Variants in ABCC4 observed in about 807,000 individuals in gnomAD.
ABCC4 encodes ATP binding cassette subfamily C member 4 (PEL blood group), also known as ATP-binding cassette sub-family C member 4.
A neutral mutation model predicts 168.5 loss-of-function variants in ABCC4; 102 were observed. That is an observed-to-expected ratio of 0.61 (90% CI 0.52 to 0.71). The LOEUF (loss-of-function observed/expected upper bound fraction) is 0.71, where lower values mean the gene tolerates loss of function less well. Among genes scored for constraint, ABCC4 ranks in the 30% least tolerant of loss-of-function variants. The pLI is 0.00. For missense variants in ABCC4, 1,402 were observed against 1,605.8 expected, an observed-to-expected ratio of 0.87 and a Z score of 2.17; for synonymous variants, 617 against 590.7, an observed-to-expected ratio of 1.04 and a Z score of -0.65.
At chr13:95,056,372 A>T (rs1003953172) in intron 26 of ABCC4, among the ~76,000 whole-genome samples, 4 of 152,144 alleles carry the variant, frequency 2.6e-5, no homozygotes, top group African/African-American at 7.2e-5. Flanking sequence ...CTTCTTTTTT[A>T]AAAAAACCCT....
chr13:95,032,428 G>A (rs1566358330), intron 30 of ABCC4, among the ~76,000 whole-genome samples: 2 of 152,176 alleles, frequency 1.3e-5, no homozygotes. Flanking sequence ...ATGACTAGGG[G>A]CATGTTTAAT....
At chr13:95,234,301 T>A (rs749741564) in intron 4 of ABCC4, among the ~76,000 whole-genome samples, 1 of 152,248 alleles carries the variant, frequency 6.6e-6, no homozygotes, top group Non-Finnish European at 1.5e-5. Context: ...TTTAGTATTC[T>A]GCAACAGCCT....
At chr13:95,081,016 C>T (rs535190450) in intron 21 of ABCC4, among the ~76,000 whole-genome samples, 9 of 147,616 alleles carry the variant, frequency 6.1e-5, no homozygotes, top group Non-Finnish European at 1.2e-4. Context: ...CCACCCTGGA[C>T]GAATAACAGT....
At chr13:95,270,664 G>T (rs940607533) in intron 1 of ABCC4, among the ~76,000 whole-genome samples, 1 of 152,154 alleles carries the variant, frequency 6.6e-6, no homozygotes, top group Non-Finnish European at 1.5e-5. Context: ...TACTAAGTCT[G>T]GGACAGAGCA....
rs771893985 is a variant in ABCC4 at position 95,060,188 on chromosome 13, C to T, written c.3366+2516G>A. Among the ~76,000 whole-genome samples the T allele has an allele frequency of 3.3e-5, 5 of 152,168 alleles. No homozygotes were observed. The South Asian group carries it at 1.0e-3, about 32-fold the overall frequency. On this transcript the variant is annotated intron_variant, in intron 26 of 30. Coordinates refer to ENST00000645237, the MANE Select transcript of ABCC4 (RefSeq NM_005845.5). ...AAGGAAAGTCTCTCTGTTTACAATG[C>T]TTGGAGATCAGGATCTACATGGATA...
At chr13:95,067,170 TATG>T (rs1341139302) in intron 25 of ABCC4, among the ~76,000 whole-genome samples, 1 of 152,146 alleles carries the variant, frequency 6.6e-6, no homozygotes, top group African/African-American at 2.4e-5. Context: ...GCTGAGCTGG[TATG>T]AGGACAGAGA....
At chr13:95,231,880 G>C (rs928508172) in intron 4 of ABCC4, among the ~76,000 whole-genome samples, 7 of 152,280 alleles carry the variant, frequency 4.6e-5, no homozygotes, top group Non-Finnish European at 7.3e-5. Flanking sequence ...CAGGTGAACA[G>C]TATCTCACTT....
chr13:95,188,616 A>C, intron 9 of ABCC4, 74 bp from the exon 10 acceptor site: 1 of 1,216,972 alleles, frequency 8.2e-7, no homozygotes. Context: ...AGAAGAAAAC[A>C]ATACAACAGT....
At chr13:95,113,305 G>A (rs903061397) in intron 20 of ABCC4, among the ~76,000 whole-genome samples, 6 of 152,050 alleles carry the variant, frequency 3.9e-5, no homozygotes, top group African/African-American at 1.2e-4. Context: ...GAAATGTACC[G>A]AGCAACCCCC....
intron 3 of ABCC4, among the ~76,000 whole-genome samples, chr13:95,244,669 G>GAAAGAAATAAATAAATAAAT (rs780621852): frequency 1.5e-5 from 1 of 68,008 alleles, no homozygotes; most frequent in Non-Finnish European, 2.8e-5. Flanking sequence ...AAGAAAGAAA[G>GAAAGAAATAAATAAATAAAT]AAATCATAGC....
At chr13:95,040,028 T>C (rs1340685651) in intron 29 of ABCC4, among the ~76,000 whole-genome samples, 1 of 152,058 alleles carries the variant, frequency 6.6e-6, no homozygotes, top group East Asian at 1.9e-4. Flanking sequence ...TGGAGATTGG[T>C]TCCCTCACTG....
intron 13 of ABCC4, among the ~76,000 whole-genome samples, chr13:95,175,546 G>A (rs1380735321): frequency 6.6e-6 from 1 of 152,140 alleles, no homozygotes; most frequent in African/African-American, 2.4e-5. Flanking sequence ...CTCCTCAGGT[G>A]ATCTGCCTGC....
At chr13:95,089,509 T>G (rs918131111) in intron 20 of ABCC4, among the ~76,000 whole-genome samples, 1 of 152,052 alleles carries the variant, frequency 6.6e-6, no homozygotes, top group Admixed American at 6.6e-5. Flanking sequence ...TCCCAGCTAC[T>G]TGGGAGGCTG....
chr13:95,031,714 A>G (rs1593973222), intron 30 of ABCC4, among the ~76,000 whole-genome samples: 1 of 152,182 alleles, frequency 6.6e-6, no homozygotes. Flanking sequence ...TTAAACATTG[A>G]TTTAAAAAAA....
intron 1 of ABCC4, among the ~76,000 whole-genome samples, chr13:95,272,945 GCTA>G (rs1390141763): frequency 6.6e-6 from 1 of 151,946 alleles, no homozygotes; most frequent in African/African-American, 2.4e-5. Context: ...CTAAACACCT[GCTA>G]CCTAACACAA....
intron 21 of ABCC4, among the ~76,000 whole-genome samples, chr13:95,080,852 C>A (rs1296871072): frequency 6.6e-6 from 1 of 152,086 alleles, no homozygotes; most frequent in East Asian, 1.9e-4. Context: ...CTTTGGAAAT[C>A]CTTGAGGGCA....
chr13:95,269,458 TAC>T, intron 1 of ABCC4: 1 of 169,026 alleles, frequency 5.9e-6, no homozygotes, highest in Non-Finnish European at 1.2e-5. Flanking sequence ...TATATATATA[TAC>T]ACACAACATT....
chr13:95,159,125 ATATATAT>A (rs2036994067), intron 19 of ABCC4, among the ~76,000 whole-genome samples: 9 of 128,368 alleles, frequency 7.0e-5, no homozygotes, highest in African/African-American at 2.1e-4. Flanking sequence ...ATATATATAT[ATATATAT>A]AACTATTGAA....
intron 27 of ABCC4, among the ~76,000 whole-genome samples, chr13:95,048,268 T>C (rs918931419): frequency 6.6e-6 from 1 of 152,178 alleles, no homozygotes; most frequent in Non-Finnish European, 1.5e-5. Flanking sequence ...TTTGAAACTA[T>C]ACATTTCAAA....
Sources: allele counts gnomAD v4.1 joint callset (sites outside exome capture counted in the v4.1 genomes callset), GRCh38; gene constraint gnomAD v4.1.1; transcripts MANE v1.5; gene names NCBI Gene and HGNC (gene_info 2026-07-23, HGNC 2026-07-21).